C19orf84: variants seen among roughly 807,000 people sequenced by gnomAD.
C19orf84 encodes chromosome 19 open reading frame 84, also known as piRNA-mediated silencing protein C19orf84.
Under a neutral mutation model 4.0 loss-of-function variants are expected in C19orf84, and 1 was observed. The observed-to-expected ratio is 0.25, with a 90% confidence interval of 0.09 to 1.19. The LOEUF is 1.19. Among genes scored for constraint, C19orf84 ranks in the 50% most tolerant of loss-of-function variants. The probability of loss-of-function intolerance (pLI) is 0.50; values close to 1 mark genes in which losing one functional copy is unlikely to be tolerated. For missense variants in C19orf84, 224 were observed against 246.8 expected (o/e 0.91, Z 0.62); for synonymous variants, 123 against 109.6 (o/e 1.12, Z -0.76).
Position 51,390,564 on chromosome 19 carries a change from T to C in C19orf84, c.-52A>G, listed in dbSNP as rs1488140275. 5.3e-6 allele frequency: 8 copies of C among 1,504,854 alleles called. No homozygotes were observed. The African/African-American group carries it at 8.4e-5, about 16-fold the overall frequency. The allele number at this position is 1,504,854 out of a possible 1,614,324, so 93.2% of individuals were successfully genotyped here. On this transcript the variant is annotated 5_prime_UTR_variant, in exon 1 of 2. Coordinates refer to ENST00000574814, the MANE Select transcript of C19orf84 (RefSeq NM_001193623.2). ...TCTAGCAACTTCGCCTCCGAGATCC[T>C]TCGGGGGCCCGGGAAGGTTGGGGAG...
Position 51,389,324 on chromosome 19 carries a change from C to T in C19orf84, c.221G>A (p.Gly74Glu), listed in dbSNP as rs1987211060. The T allele has an allele frequency of 6.5e-7, 1 of 1,535,312 alleles. No individual in the cohort carries two copies. Among genetic ancestry groups the T allele is most frequent in the Admixed American group, 2.0e-5 (1 of 50,858 alleles). The change falls in exon 2 of 2, where the codon GGG (glycine) becomes GAG (glutamate). Residue 74 changes from glycine (G) to glutamate (E), a missense_variant. By Grantham distance (98) the Gly-to-Glu change is moderately conservative (BLOSUM62 -2). Transcript: ENST00000574814. The surrounding 1 kb of genome is among the most constrained non-coding windows in gnomAD (Gnocchi z 4.7). ...LSCLLHSALL[G>E]AYTFQQALPS... is the part of the protein sequence containing the mutation. The stretch of plus-strand genomic sequence containing the variant: ...CAAGGCCTGTTGGAAGGTGTAGGCC[C>T]CCAGCAGGGCGCTGTGCAGGAGGCA...
At position 51,389,646 on chromosome 19, in the gene C19orf84, C is replaced by T. The variant is rs185520540; in HGVS notation, c.36-137G>A. The stretch of plus-strand genomic sequence containing the variant: ...AGTGCCCACCTGTGACTTCCTCCCC[C>T]GCTTCTCTCTTTTTGTTTCTAACCC... On this transcript the variant is annotated intron_variant, in intron 1 of 1. Transcript: ENST00000574814. This position sits in a 1 kb window ranked among gnomAD's most constrained non-coding sequence, Gnocchi z 4.7. The T allele has an allele frequency of 7.3e-4, 459 of 625,796 alleles. 1 individual carries two copies. The highest frequency in any genetic ancestry group is 2.5e-3 in the Middle Eastern group (5 of 2,038). 38.8% of individuals were successfully genotyped at this position (625,796 alleles called of 1,614,324 possible).
chr19:51,389,189 C>A lies in C19orf84; in HGVS notation c.356G>T (p.Arg119Leu). 6.5e-7 allele frequency: 1 copy of A among 1,534,740 alleles called. No homozygotes were observed. The highest frequency in any genetic ancestry group is 2.4e-5 in the East Asian group (1 of 40,872). The change falls in exon 2 of 2, where the codon CGA (arginine) becomes CTA (leucine). Residue 119 changes from arginine to leucine, a missense_variant. Physicochemically the swap from Arg to Leu is moderately radical, Grantham distance 102 (BLOSUM62 -2). Coordinates refer to ENST00000574814, the MANE Select transcript of C19orf84 (RefSeq NM_001193623.2). This position sits in a 1 kb window ranked among gnomAD's most constrained non-coding sequence, Gnocchi z 4.7. Reference protein sequence around the residue: ...WEVRHRPGWGRGLHRRGLGRA... With the variant: ...WEVRHRPGWGLGLHRRGLGRA... ...CCCAAGGCCCCGTCGATGCAGGCCT[C>A]GGCCCCAGCCTGGCCTGTGCCTGAC... is the stretch of plus-strand genomic sequence containing the variant.
In C19orf84 at chr19:51,390,568, G is replaced by T; in HGVS notation, c.-56C>A. The T allele has an allele frequency of 6.6e-7, 1 of 1,504,024 alleles. No individual in the cohort carries two copies. Among genetic ancestry groups the T allele is most frequent in the Non-Finnish European group, 8.9e-7 (1 of 1,128,510 alleles). The allele number at this position is 1,504,024 out of a possible 1,614,324, so 93.2% of individuals were successfully genotyped here. ...GCAACTTCGCCTCCGAGATCCTTCGGGGGCCCGGGAAGGTTGGGGAGGGGC... is the reference window on the plus strand; with the variant it reads ...GCAACTTCGCCTCCGAGATCCTTCGTGGGCCCGGGAAGGTTGGGGAGGGGC... On this transcript the variant is annotated 5_prime_UTR_variant, in exon 1 of 2. Coordinates refer to ENST00000574814, the MANE Select transcript of C19orf84 (RefSeq NM_001193623.2).
chr19:51,390,139 C>T (rs551757119), intron 1 of C19orf84, among the ~76,000 whole-genome samples: 1 of 152,090 alleles, frequency 6.6e-6, no homozygotes, highest in Admixed American at 6.6e-5. Context: ...CCACCACGCC[C>T]GTCTAATTTT....
chr19:51,388,600 A>C lies in C19orf84; in HGVS notation c.*384T>G. The C allele has an allele frequency of 8.1e-6, 2 of 247,940 alleles. No homozygotes were observed. Among genetic ancestry groups the C allele is most frequent in the East Asian group, 1.2e-4 (1 of 8,362 alleles). The allele number at this position is 247,940 out of a possible 1,614,324, so 15.4% of individuals were successfully genotyped here. On this transcript the variant is annotated 3_prime_UTR_variant, in exon 2 of 2. Coordinates refer to ENST00000574814, the MANE Select transcript of C19orf84 (RefSeq NM_001193623.2). ...GAATGAATGGGTTTGGGAACAGGGT[A>C]TTGAGAGTGGGGAAGAGAGAGGCAG...
chr19:51,389,031 GTGGCTC>G lies in C19orf84; in HGVS notation c.508_513del (p.Glu170_Pro171del), dbSNP rs1257031323. The G allele has an allele frequency of 6.5e-7, 1 of 1,536,070 alleles. No individual in the cohort carries two copies. The highest frequency in any genetic ancestry group is 8.7e-7 in the Non-Finnish European group (1 of 1,146,890). On this transcript the variant is annotated inframe_deletion, in exon 2 of 2. Coordinates refer to ENST00000574814, the MANE Select transcript of C19orf84 (RefSeq NM_001193623.2). The surrounding 1 kb of genome is among the most constrained non-coding windows in gnomAD (Gnocchi z 4.7). ...TCAGCAGCCAGTGGTGTTTCCAGGGGTGGCTCTGGACCTCGAGCTTCTTTCTTCCCA... is the reference window on the plus strand; with the variant it reads ...TCAGCAGCCAGTGGTGTTTCCAGGGGTGGACCTCGAGCTTCTTTCTTCCCA...
rs1289738047 is a variant in C19orf84 at position 51,389,609 on chromosome 19, CTCT to C, written c.36-103_36-101del. 7 of 1,018,226 alleles carry C rather than the reference CTCT, an allele frequency of 6.9e-6. No homozygotes were observed. The African/African-American group carries it at 1.0e-4, about 15-fold the overall frequency. The allele number at this position is 1,018,226 out of a possible 1,614,324, so 63.1% of individuals were successfully genotyped here. A position where few individuals can be genotyped will look rare whatever the true frequency, so the allele number is the denominator to read the frequency against. ...CTGCACCTCTGCAGAAGGCAGCCAT[CTCT>C]CCATCCTCAGTGCCCACCTGTGACT... is the stretch of plus-strand genomic sequence containing the variant. On this transcript the variant is annotated intron_variant, in intron 1 of 1. Transcript: ENST00000574814. The surrounding 1 kb of genome is among the most constrained non-coding windows in gnomAD (Gnocchi z 4.7).
chr19:51,390,040 G>A (rs1467132109), intron 1 of C19orf84, among the ~76,000 whole-genome samples: 2 of 151,532 alleles, frequency 1.3e-5, no homozygotes, highest in African/African-American at 2.4e-5. Context: ...GTGCAATGGC[G>A]CTAACTTGGC....
At chr19:51,390,268 C>T in intron 1 of C19orf84, 1 of 439,970 alleles carries the variant, frequency 2.3e-6, no homozygotes, top group Non-Finnish European at 3.9e-6. Context: ...TAAGCCACTG[C>T]ACCCGGCCTC....
Position 51,388,684 on chromosome 19 carries a change from G to T in C19orf84, c.*300C>A, listed in dbSNP as rs915580445. 5 of 437,742 alleles carry T rather than the reference G, an allele frequency of 1.1e-5. No homozygotes were observed. The highest frequency in any genetic ancestry group is 2.0e-5 in the African/African-American group (1 of 48,878). The allele number at this position is 437,742 out of a possible 1,614,324, so 27.1% of individuals were successfully genotyped here. On this transcript the variant is annotated 3_prime_UTR_variant, in exon 2 of 2. Coordinates refer to ENST00000574814, the MANE Select transcript of C19orf84 (RefSeq NM_001193623.2). The stretch of plus-strand genomic sequence containing the variant: ...GGAATGGGGTTGGAGGAGCCCTGGG[G>T]GTTGAGAATGAGGTAAGGATTGTGG...
Position 51,389,220 on chromosome 19 carries a change from A to G in C19orf84, c.325T>C (p.Trp109Arg). ...VRRPPRGRGGWEVRHRPGWGR... is the reference protein window; with the variant it reads ...VRRPPRGRGGREVRHRPGWGR... Reference sequence around the variant, plus strand: ...CAGCCTGGCCTGTGCCTGACTTCCCAGCCTCCGCGTCCCCTGGGAGGCCTC... The same window carrying G: ...CAGCCTGGCCTGTGCCTGACTTCCCGGCCTCCGCGTCCCCTGGGAGGCCTC... The change falls in exon 2 of 2, where the codon TGG becomes CGG. Residue 109 changes from tryptophan (W) to arginine (R), a missense_variant. Coordinates refer to ENST00000574814, the MANE Select transcript of C19orf84 (RefSeq NM_001193623.2). This position sits in a 1 kb window ranked among gnomAD's most constrained non-coding sequence, Gnocchi z 4.7. 1 of 1,534,200 alleles carries G rather than the reference A, an allele frequency of 6.5e-7. No individual in the cohort carries two copies. The highest frequency in any genetic ancestry group is 8.7e-7 in the Non-Finnish European group (1 of 1,145,744).
intron 1 of C19orf84, 80 bp downstream of exon 1, chr19:51,390,398 G>T: frequency 2.1e-6 from 3 of 1,412,000 alleles, no homozygotes; most frequent in South Asian, 2.7e-5. Flanking sequence ...TGTTCAGCGC[G>T]CCCTTTCTCT....
At position 51,390,527 on chromosome 19, in the gene C19orf84, TCTTA is replaced by T; in HGVS notation, c.-19_-16del. The T allele has an allele frequency of 6.6e-7, 1 of 1,525,044 alleles. No homozygotes were observed. The allele number at this position is 1,525,044 out of a possible 1,614,324, so 94.5% of individuals were successfully genotyped here. ...GGTTGTTCCATCTCCACTGGGGCCC[TCTTA>T]CGTATCTTCTAGCAACTTCGCCTCC... On this transcript the variant is annotated 5_prime_UTR_variant, in exon 1 of 2. Coordinates refer to ENST00000574814, the MANE Select transcript of C19orf84 (RefSeq NM_001193623.2).
At chr19:51,390,407 C>G (rs1987276850) in intron 1 of C19orf84, 71 bp downstream of exon 1, 1 of 1,471,142 alleles carries the variant, frequency 6.8e-7, no homozygotes, top group South Asian at 1.3e-5. Flanking sequence ...CGCCCTTTCT[C>G]TCTCGTTTTC....
rs1987280549 is a variant in C19orf84, at chr19:51,390,485, G to A, written c.28C>T (p.Pro10Ser). The change falls in exon 1 of 2, where the codon CCT becomes TCT. Residue 10 changes from proline (P) to serine (S), a missense_variant. Transcript: ENST00000574814. MEQPKDGAGPEGNNLSLPSS... is the reference protein window; with the variant it reads MEQPKDGAGSEGNNLSLPSS... ...GGTCTTTGTTTGTCTCACCCTTCAG[G>A]CCCAGCCCCGTCCTTTGGTTGTTCC... The A allele has an allele frequency of 6.5e-6, 10 of 1,532,652 alleles. No homozygotes were observed. Among genetic ancestry groups the A allele is most frequent in the Non-Finnish European group, 8.7e-6 (10 of 1,145,026 alleles). The allele number at this position is 1,532,652 out of a possible 1,614,324, so 94.9% of individuals were successfully genotyped here.
Position 51,388,693 on chromosome 19 carries a change from T to G in C19orf84, c.*291A>C. 1 of 446,326 alleles carries G rather than the reference T, an allele frequency of 2.2e-6. No homozygotes were observed. 27.6% of individuals were successfully genotyped at this position (446,326 alleles called of 1,614,324 possible). ...TTGGAGGAGCCCTGGGGGTTGAGAATGAGGTAAGGATTGTGGTTGTGGTTG... is the reference window on the plus strand; with the variant it reads ...TTGGAGGAGCCCTGGGGGTTGAGAAGGAGGTAAGGATTGTGGTTGTGGTTG... On this transcript the variant is annotated 3_prime_UTR_variant, in exon 2 of 2. Transcript: ENST00000574814.
In C19orf84 at chr19:51,388,626, G is replaced by A. The variant is rs919751912; in HGVS notation, c.*358C>T. 6.9e-6 allele frequency: 2 copies of A among 290,994 alleles called. No individual in the cohort carries two copies. Among genetic ancestry groups the A allele is most frequent in the African/African-American group, 2.3e-5 (1 of 44,268 alleles). 18.0% of individuals were successfully genotyped at this position (290,994 alleles called of 1,614,324 possible). On this transcript the variant is annotated 3_prime_UTR_variant, in exon 2 of 2. Transcript: ENST00000574814. ...TTGAGAGTGGGGAAGAGAGAGGCAG[G>A]TAGGAGTGGCTTTGGGATTAGGGAG...
chr19:51,390,409 C>T, intron 1 of C19orf84, 69 bp downstream of exon 1: 1 of 1,477,984 alleles, frequency 6.8e-7, no homozygotes. Flanking sequence ...CCCTTTCTCT[C>T]TCGTTTTCTC....
Sources: gnomAD v4.1 joint callset for allele counts (sites outside exome capture counted in the v4.1 genomes callset) on GRCh38, gnomAD v4.1.1 for gene constraint, Gnocchi (gnomAD v3.1) non-coding constraint, MANE v1.5 for transcripts, NCBI Gene and HGNC (gene_info 2026-07-23, HGNC 2026-07-21) for gene names.